The following TTLL1 variants were observed in gnomAD, a reference collection of about 807,000 sequenced individuals.
TTLL1 encodes polyglutamylase complex subunit TTLL1.
Under a neutral mutation model 47.8 loss-of-function variants are expected in TTLL1, and 33 were observed. The ratio of observed to expected loss-of-function variants is 0.69; its 90% CI spans 0.52 to 0.92. The LOEUF (loss-of-function observed/expected upper bound fraction) is 0.92. Ranked by LOEUF, TTLL1 falls within the 40% of genes least tolerant of loss-of-function variation. TTLL1 has a pLI of 0.00. For synonymous variants in TTLL1, 225 were observed against 214.1 expected (o/e 1.05, Z -0.45); for missense variants, 488 against 547.5 (o/e 0.89, Z 1.08).
intron 1 of TTLL1, 113 bp from the exon 2 acceptor site, chr22:43,080,099 G>A (rs1928781392): frequency 6.6e-6 from 1 of 152,140 alleles, no homozygotes; most frequent in Non-Finnish European, 1.5e-5. Context: ...TGCTCAACCA[G>A]GCTGAAGTGC....
In TTLL1 at chr22:43,039,835, C is replaced by T; in HGVS notation, c.1213G>A (p.Gly405Arg). Residue 405 changes from glycine to arginine, a missense_variant, in exon 11 of 11, where the codon GGG (glycine) becomes AGG (arginine). Transcript: ENST00000266254. The part of the protein sequence containing the change: ...ELRSRQGQSL[G>R]PRAGRSRDSG... The stretch of plus-strand genomic sequence containing the variant: ...TCTCTCGATCGGCCTGCTCTGGGCC[C>T]CAGAGACTGACCCTGACGGCTTCTC... The T allele has an allele frequency of 1.2e-6, 2 of 1,614,062 alleles. No individual in the cohort carries two copies. Among genetic ancestry groups the T allele is most frequent in the Non-Finnish European group, 1.7e-6 (2 of 1,180,010 alleles).
intron 2 of TTLL1, among the ~76,000 whole-genome samples, chr22:43,079,369 C>T (rs1196209511): frequency 1.3e-5 from 2 of 151,242 alleles, no homozygotes; most frequent in Non-Finnish European, 3.0e-5. Flanking sequence ...CCCTCACACC[C>T]GAAGACATGG....
At chr22:43,063,258 G>A (rs1927503335) in intron 7 of TTLL1, among the ~76,000 whole-genome samples, 2 of 152,132 alleles carry the variant, frequency 1.3e-5, no homozygotes, top group Admixed American at 6.6e-5. Context: ...TAGAAAGGCA[G>A]GGCTTGAGCC....
chr22:43,084,629 G>A (rs186724050), intron 1 of TTLL1, among the ~76,000 whole-genome samples: 45 of 152,124 alleles, frequency 3.0e-4, no homozygotes, highest in Admixed American at 2.9e-3. Flanking sequence ...AGCCTCCCGA[G>A]TAGCCAGGAC....
chr22:43,064,086 ACCGC>A, intron 6 of TTLL1, 100 bp downstream of exon 6: 1 of 1,538,422 alleles, frequency 6.5e-7, no homozygotes, highest in South Asian at 1.2e-5. Flanking sequence ...CGTGCCAGGC[ACCGC>A]ACATGCACTG....
chr22:43,056,656 G>A (rs887538714), intron 8 of TTLL1, among the ~76,000 whole-genome samples: 3 of 151,244 alleles, frequency 2.0e-5, no homozygotes, highest in East Asian at 2.0e-4. Context: ...ATGGTGACGC[G>A]CACCTGTAGT....
chr22:43,049,940 C>T (rs754741573), intron 9 of TTLL1, among the ~76,000 whole-genome samples: 17 of 150,200 alleles, frequency 1.1e-4, no homozygotes, highest in African/African-American at 3.2e-4. Flanking sequence ...TGCTAAAATA[C>T]AAAAAATTAG....
chr22:43,067,483 G>A (rs1299345299), intron 5 of TTLL1, among the ~76,000 whole-genome samples: 2 of 152,184 alleles, frequency 1.3e-5, no homozygotes, highest in Admixed American at 6.5e-5. Context: ...ACGACTGAGC[G>A]GTTCTCACAC....
intron 9 of TTLL1, among the ~76,000 whole-genome samples, chr22:43,046,973 T>A (rs1220592372): frequency 6.6e-6 from 1 of 151,974 alleles, no homozygotes; most frequent in African/African-American, 2.4e-5. Flanking sequence ...ACCTGGAAAA[T>A]GGTTATTTAA....
At chr22:43,064,055 T>TA in intron 6 of TTLL1, 134 bp from the exon 7 acceptor site, 1 of 1,493,020 alleles carries the variant, frequency 6.7e-7, no homozygotes, top group Non-Finnish European at 9.2e-7. Flanking sequence ...TGACTGCTCT[T>TA]ACTTCCCTCA....
At chr22:43,084,627 G>A (rs561331429) in intron 1 of TTLL1, among the ~76,000 whole-genome samples, 13 of 151,906 alleles carry the variant, frequency 8.6e-5, no homozygotes, top group African/African-American at 2.7e-4. Flanking sequence ...TCAGCCTCCC[G>A]AGTAGCCAGG....
intron 9 of TTLL1, among the ~76,000 whole-genome samples, chr22:43,048,944 T>A (rs1273848513): frequency 6.7e-6 from 1 of 150,226 alleles, no homozygotes; most frequent in Admixed American, 6.6e-5. Context: ...CTCAAAAAAA[T>A]AAAAATAAAA....
Position 43,051,846 on chromosome 22 carries a change from G to C in TTLL1, c.933C>G (p.Gly311=). The change falls in exon 9 of 11, where the codon GGC becomes GGG. Residue 311 remains glycine (G), a synonymous_variant. Coordinates refer to ENST00000266254, the MANE Select transcript of TTLL1 (RefSeq NM_012263.5). ...NNDKHCFECY[G]YDIIIDDKLK... ...GCTTGTCGTCGATGATGATGTCGTA[G>C]CCATAGCATTCAAAGCAGTGCTTGT... The C allele has an allele frequency of 6.2e-7, 1 of 1,614,004 alleles. No individual in the cohort carries two copies. The highest frequency in any genetic ancestry group is 8.5e-7 in the Non-Finnish European group (1 of 1,180,004).
chr22:43,064,016 A>T, intron 6 of TTLL1, 95 bp from the exon 7 acceptor site: 4 of 1,499,276 alleles, frequency 2.7e-6, no homozygotes, highest in Non-Finnish European at 3.7e-6. Flanking sequence ...TGTGTGTGTG[A>T]TTTACACGAC....
chr22:43,076,357 G>A (rs113529765), intron 2 of TTLL1, among the ~76,000 whole-genome samples: 134 of 152,318 alleles, frequency 8.8e-4, no homozygotes, highest in Non-Finnish European at 1.8e-3. Flanking sequence ...TCGGGAGGTT[G>A]AGGCAGGAGA....
intron 1 of TTLL1, among the ~76,000 whole-genome samples, chr22:43,088,562 C>G (rs1204287575): frequency 6.6e-6 from 1 of 150,774 alleles, no homozygotes; most frequent in Non-Finnish European, 1.5e-5. Context: ...CCAGGATGGT[C>G]TCGATCTCCT....
At chr22:43,054,044 C>T (rs537262364) in intron 8 of TTLL1, among the ~76,000 whole-genome samples, 93 of 152,270 alleles carry the variant, frequency 6.1e-4, no homozygotes, top group African/African-American at 2.2e-3. Context: ...ACACATACGC[C>T]GTGACACTGG....
chr22:43,048,795 G>A (rs1410856415), intron 9 of TTLL1, among the ~76,000 whole-genome samples: 1 of 151,836 alleles, frequency 6.6e-6, no homozygotes, highest in Admixed American at 6.6e-5. Flanking sequence ...AAATTAGCCA[G>A]GCGTGGTGGC....
At chr22:43,057,419 C>T (rs1018534365) in intron 8 of TTLL1, among the ~76,000 whole-genome samples, 3 of 151,950 alleles carry the variant, frequency 2.0e-5, no homozygotes, top group Non-Finnish European at 4.4e-5. Flanking sequence ...CAATTTCATA[C>T]ATTTCTGACT....
Sources: gnomAD v4.1 joint callset for allele counts (sites outside exome capture counted in the v4.1 genomes callset) on GRCh38, gnomAD v4.1.1 for gene constraint, MANE v1.5 for transcripts, NCBI Gene and HGNC (gene_info 2026-07-23, HGNC 2026-07-21) for gene names.